The following TNNI3K variants were observed in gnomAD, a reference collection of about 807,000 sequenced individuals.
The protein encoded by TNNI3K is serine/threonine-protein kinase TNNI3K.
TNNI3K carries 140 observed loss-of-function variants against 114.5 expected under a neutral mutation model. The ratio of observed to expected loss-of-function variants is 1.22; its 90% CI spans 1.07 to 1.41. The LOEUF (loss-of-function observed/expected upper bound fraction) is 1.41. Among genes scored for constraint, TNNI3K ranks in the 40% most tolerant of loss-of-function variants. The pLI is 0.00. For synonymous variants in TNNI3K, 347 were observed against 347.5 expected (o/e 1.00, Z 0.02); for missense variants, 1,125 against 1,007.6 (o/e 1.12, Z -1.58).
At chr1:74,483,687 G>T (rs1388500942) in intron 21 of TNNI3K, among the ~76,000 whole-genome samples, 2 of 152,156 alleles carry the variant, frequency 1.3e-5, no homozygotes, top group Non-Finnish European at 2.9e-5. Context: ...ATCTTACTTA[G>T]TTCTTTTAAT....
rs547718854 is a variant in TNNI3K, at chr1:74,307,604, T to G, written c.445-23846T>G. ...AAGTTTTAACCATCCTAAATATATATTCACCTAACATTGGAGGGAGCATGC... is the reference window on the plus strand; with the variant it reads ...AAGTTTTAACCATCCTAAATATATAGTCACCTAACATTGGAGGGAGCATGC... On this transcript the variant is annotated intron_variant, in intron 5 of 24. Coordinates refer to ENST00000326637, the MANE Select transcript of TNNI3K (RefSeq NM_015978.3). 5.9e-5 allele frequency among the ~76,000 whole-genome samples: 9 copies of G among 152,260 alleles called. No homozygotes were observed. The South Asian group carries it at 1.9e-3, about 32-fold the overall frequency.
intron 23 of TNNI3K, among the ~76,000 whole-genome samples, chr1:74,505,501 C>G (rs1402389081): frequency 6.6e-6 from 1 of 152,214 alleles, no homozygotes; most frequent in Non-Finnish European, 1.5e-5. Context: ...ATTTCTGAAG[C>G]AGCTCTTACA....
At chr1:74,321,367 G>C (rs560830641) in intron 5 of TNNI3K, among the ~76,000 whole-genome samples, 1 of 151,856 alleles carries the variant, frequency 6.6e-6, no homozygotes. Flanking sequence ...CTTTTCTTTC[G>C]CTTTCTGGCT....
chr1:74,371,965 T>C (rs1303550737), intron 17 of TNNI3K: 2 of 151,462 alleles, frequency 1.3e-5, no homozygotes, highest in African/African-American at 4.8e-5. Flanking sequence ...AAGAGACATG[T>C]CAACTTTAAA....
intron 17 of TNNI3K, among the ~76,000 whole-genome samples, chr1:74,431,652 T>C (rs1173466321): frequency 6.6e-6 from 1 of 152,118 alleles, no homozygotes; most frequent in African/African-American, 2.4e-5. Context: ...CAGTAAAATG[T>C]AGAGATTTGT....
chr1:74,269,122 A>G (rs1389339575), intron 4 of TNNI3K, among the ~76,000 whole-genome samples: 1 of 151,862 alleles, frequency 6.6e-6, no homozygotes, highest in Non-Finnish European at 1.5e-5. Flanking sequence ...GCCATCTACC[A>G]TTTATCTCAA....
chr1:74,455,010 C>A (rs991362159), intron 20 of TNNI3K, among the ~76,000 whole-genome samples: 2 of 152,116 alleles, frequency 1.3e-5, no homozygotes, highest in Admixed American at 1.3e-4. Context: ...CCACTGAGTT[C>A]TTTCTTTCTG....
intron 5 of TNNI3K, among the ~76,000 whole-genome samples, chr1:74,294,066 CGTT>C (rs1329167738): frequency 1.3e-5 from 2 of 151,450 alleles, no homozygotes; most frequent in Non-Finnish European, 3.0e-5. Flanking sequence ...TTTTTATACT[CGTT>C]GAATTCAGAT....
intron 5 of TNNI3K, among the ~76,000 whole-genome samples, chr1:74,318,970 T>G (rs1326873492): frequency 6.6e-6 from 1 of 152,238 alleles, no homozygotes; most frequent in African/African-American, 2.4e-5. Context: ...TATATTAAAC[T>G]ATTTATTGTT....
At chr1:74,391,957 A>ATTATTTT (rs1369570973) in intron 17 of TNNI3K, among the ~76,000 whole-genome samples, 3 of 92,988 alleles carry the variant, frequency 3.2e-5, no homozygotes, top group African/African-American at 1.2e-4. Context: ...ACAGCTTATT[A>ATTATTTT]TTTTTTTTTT....
chr1:74,459,949 A>AGCCACTT (rs1185892120), intron 20 of TNNI3K, among the ~76,000 whole-genome samples: 56 of 152,232 alleles, frequency 3.7e-4, no homozygotes, highest in African/African-American at 1.3e-3. Context: ...TTAATATGAA[A>AGCCACTT]GCCACTTACC....
At chr1:74,370,200 T>A (rs975117156) in intron 16 of TNNI3K, 88 bp from the exon 17 acceptor site, 5 of 1,154,846 alleles carry the variant, frequency 4.3e-6, no homozygotes, top group Non-Finnish European at 5.9e-6. Context: ...GTTAAGATGA[T>A]ATAAAATAAC....
chr1:74,489,043 A>G (rs1489836293), intron 21 of TNNI3K, 146 bp from the exon 22 acceptor site: 20 of 616,352 alleles, frequency 3.2e-5, no homozygotes, highest in Non-Finnish European at 5.3e-5. Flanking sequence ...CATTCAATTA[A>G]CACTTCAATA....
intron 21 of TNNI3K, chr1:74,471,404 T>G: frequency 2.5e-6 from 1 of 400,734 alleles, no homozygotes. Flanking sequence ...TTGCATTGCT[T>G]TGGGAGACTT....
At chr1:74,508,224 A>G (rs1463981168) in intron 23 of TNNI3K, among the ~76,000 whole-genome samples, 2 of 152,250 alleles carry the variant, frequency 1.3e-5, no homozygotes, top group East Asian at 3.8e-4. Flanking sequence ...ACATGTATAC[A>G]TATGTAACAA....
At chr1:74,264,763 C>T (rs2100878849) in intron 4 of TNNI3K, among the ~76,000 whole-genome samples, 1 of 152,098 alleles carries the variant, frequency 6.6e-6, no homozygotes, top group South Asian at 2.1e-4. Context: ...TATGACTAAA[C>T]ATCTCTTGGG....
At chr1:74,495,651 G>T (rs1190785071) in intron 23 of TNNI3K, among the ~76,000 whole-genome samples, 5 of 152,162 alleles carry the variant, frequency 3.3e-5, no homozygotes, top group African/African-American at 7.2e-5. Context: ...TGAGGAAACT[G>T]AGGCTCATAG....
intron 9 of TNNI3K, among the ~76,000 whole-genome samples, chr1:74,346,581 T>C (rs1465831003): frequency 6.6e-6 from 1 of 151,468 alleles, no homozygotes; most frequent in African/African-American, 2.4e-5. Context: ...TAATTTAGCC[T>C]TTGTAGATGG....
In TNNI3K at chr1:74,329,322, A is replaced by C. The variant is rs566797913; in HGVS notation, c.445-2128A>C. 5.2e-4 allele frequency among the ~76,000 whole-genome samples: 79 copies of C among 152,194 alleles called. 1 individual carries two copies. The highest frequency in any genetic ancestry group is 1.6e-3 in the African/African-American group (68 of 41,568). Reference sequence around the variant, plus strand: ...TGGGCCTGATACATAATAGTCCCTCAATAAAAGCTCATTGTGGTTTTAATT... The same window carrying C: ...TGGGCCTGATACATAATAGTCCCTCCATAAAAGCTCATTGTGGTTTTAATT... On this transcript the variant is annotated intron_variant, in intron 5 of 24. Transcript: ENST00000326637.
Sources: allele counts gnomAD v4.1 joint callset (sites outside exome capture counted in the v4.1 genomes callset), GRCh38; gene constraint gnomAD v4.1.1; transcripts MANE v1.5; gene names NCBI Gene and HGNC (gene_info 2026-07-23, HGNC 2026-07-21).